The following FUT8 variants were observed in gnomAD, a reference collection of about 807,000 sequenced individuals.
FUT8 encodes alpha-(1,6)-fucosyltransferase.
In FUT8, 29 loss-of-function variants were observed where a neutral mutation model predicts 71.3. The ratio of observed to expected loss-of-function variants is 0.41; its 90% CI spans 0.30 to 0.55. The LOEUF is 0.55. Among genes scored for constraint, FUT8 ranks in the 20% least tolerant of loss-of-function variants. The pLI, the probability that FUT8 is intolerant of heterozygous loss-of-function variation, is 0.34. For missense variants in FUT8, 544 were observed against 702.1 expected (o/e 0.77, Z 2.55); for synonymous variants, 254 against 239.3 (o/e 1.06, Z -0.57).
intron 3 of FUT8, among the ~76,000 whole-genome samples, chr14:65,565,960 TATA>T (rs1484672922): frequency 2.7e-5 from 4 of 149,478 alleles, no homozygotes; most frequent in East Asian, 3.8e-4. Context: ...TATGGTATAA[TATA>T]ATAAAAAACA....
intron 7 of FUT8, among the ~76,000 whole-genome samples, chr14:65,719,641 G>A (rs1024528468): frequency 1.3e-5 from 2 of 152,132 alleles, no homozygotes; most frequent in Non-Finnish European, 2.9e-5. Flanking sequence ...TCCAGTTTTG[G>A]TCATTGCAGC....
chr14:65,733,860 C>T lies in FUT8; in HGVS notation c.1410+479C>T, dbSNP rs377753776. Among the ~76,000 whole-genome samples, 19 of 152,230 alleles carry T rather than the reference C, an allele frequency of 1.2e-4. 3 individuals are homozygous for T. Among genetic ancestry groups the T allele is most frequent in the African/African-American group, 4.3e-4 (18 of 41,534 alleles). ...TTCCCTTTCAAGTTCTATTACATTT[C>T]TACCAAGTGAGAAACTGTATGTTAA... On this transcript the variant is annotated intron_variant, in intron 10 of 10. Transcript: ENST00000673929.
chr14:65,360,415 A>T, the FUT8 span, among the ~76,000 whole-genome samples: 1 of 152,246 alleles, frequency 6.6e-6, no homozygotes, highest in Admixed American at 6.5e-5. Context: ...CAAGCTTTTA[A>T]AGCTAAATTC....
chr14:65,524,460 AAGG>A (rs1883306425), intron 2 of FUT8, among the ~76,000 whole-genome samples: 1 of 152,180 alleles, frequency 6.6e-6, no homozygotes, highest in African/African-American at 2.4e-5. Flanking sequence ...TTATCAGGTT[AAGG>A]AGATTTTGGG....
At chr14:65,690,065 C>T (rs1893498373) in intron 7 of FUT8, among the ~76,000 whole-genome samples, 1 of 151,922 alleles carries the variant, frequency 6.6e-6, no homozygotes, top group Non-Finnish European at 1.5e-5. Flanking sequence ...GATTCTATAC[C>T]CTGTTTTTGT....
chr14:65,543,839 T>C (rs971382553), intron 2 of FUT8, among the ~76,000 whole-genome samples: 1 of 152,148 alleles, frequency 6.6e-6, no homozygotes, highest in Non-Finnish European at 1.5e-5. Flanking sequence ...TTGCACATAA[T>C]TGCATATGGC....
rs540266955 is a variant in FUT8 at position 65,490,511 on chromosome 14, G to A, written c.-228+34793G>A. Among the ~76,000 whole-genome samples, 65 of 152,104 alleles carry A rather than the reference G, an allele frequency of 4.3e-4. 2 individuals are homozygous for A. The South Asian group carries it at 0.013, about 30-fold the overall frequency. On this transcript the variant is annotated intron_variant, in intron 2 of 10. Transcript: ENST00000673929. ...TGAGCTAATGTTGACATTATTACAA[G>A]TTGACTGGAAACATTTACAAAAGCC... is the stretch of plus-strand genomic sequence containing the variant.
intron 2 of FUT8, among the ~76,000 whole-genome samples, chr14:65,530,590 A>G (rs1883878470): frequency 6.6e-6 from 1 of 152,170 alleles, no homozygotes; most frequent in Non-Finnish European, 1.5e-5. Flanking sequence ...TTTAGTAACA[A>G]CATTTGTGTT....
At chr14:65,721,713 G>A (rs935196290) in intron 7 of FUT8, 62 bp from the exon 8 acceptor site, 5 of 1,534,872 alleles carry the variant, frequency 3.3e-6, no homozygotes, top group Non-Finnish European at 3.6e-6. Flanking sequence ...ATAAGTTCTT[G>A]TTGAATGGTG....
At chr14:65,539,892 G>A (rs529650941) in intron 2 of FUT8, among the ~76,000 whole-genome samples, 1 of 152,306 alleles carries the variant, frequency 6.6e-6, no homozygotes, top group South Asian at 2.1e-4. Context: ...AATTGGTGGA[G>A]ACACACAGAA....
chr14:65,706,324 A>G (rs2140499495), intron 7 of FUT8, among the ~76,000 whole-genome samples: 1 of 152,330 alleles, frequency 6.6e-6, no homozygotes, highest in East Asian at 1.9e-4. Flanking sequence ...CAAAGACTGC[A>G]TGCATAGGCA....
At chr14:65,676,353 G>A (rs1892716935) in intron 7 of FUT8, among the ~76,000 whole-genome samples, 1 of 152,330 alleles carries the variant, frequency 6.6e-6, no homozygotes, top group East Asian at 1.9e-4. Context: ...TAGAGCTAGA[G>A]ATAGAATCCA....
intron 7 of FUT8, among the ~76,000 whole-genome samples, chr14:65,692,361 A>ACC (rs1323318237): frequency 2.1e-4 from 21 of 100,388 alleles, no homozygotes; most frequent in African/African-American, 8.2e-4. Flanking sequence ...CGGGGGGCTG[A>ACC]CCCCCCCACC....
chr14:65,451,651 A>G (rs2065828455), intron 1 of FUT8, among the ~76,000 whole-genome samples: 1 of 152,208 alleles, frequency 6.6e-6, no homozygotes, highest in African/African-American at 2.4e-5. Context: ...AAGATGGTAA[A>G]TGCAGGGGAT....
chr14:65,735,383 A>T (rs569064862), intron 10 of FUT8, among the ~76,000 whole-genome samples: 2 of 152,140 alleles, frequency 1.3e-5, no homozygotes, highest in Admixed American at 1.3e-4. Context: ...CATAATGTCA[A>T]CTTCAGTGTA....
the FUT8 span, among the ~76,000 whole-genome samples, chr14:65,376,293 G>C: frequency 6.6e-6 from 1 of 152,194 alleles, no homozygotes; most frequent in Non-Finnish European, 1.5e-5. Context: ...TTGGTGGAGA[G>C]AGATGGAGCA....
At chr14:65,662,322 G>A (rs1013983744) in intron 6 of FUT8, among the ~76,000 whole-genome samples, 13 of 152,126 alleles carry the variant, frequency 8.5e-5, no homozygotes, top group African/African-American at 2.9e-4. Context: ...GGAGGTTGAG[G>A]TTGTGGTGAA....
chr14:65,436,756 ATTTT>A (rs901392004), intron 1 of FUT8, among the ~76,000 whole-genome samples: 2 of 151,784 alleles, frequency 1.3e-5, no homozygotes, highest in Admixed American at 1.3e-4. Context: ...TTCACATAAA[ATTTT>A]TTTTTCTTTT....
At chr14:65,740,308 A>G (rs994069145) in intron 10 of FUT8, among the ~76,000 whole-genome samples, 7 of 119,430 alleles carry the variant, frequency 5.9e-5, no homozygotes, top group Admixed American at 5.5e-4. Context: ...TTAGTTGCCT[A>G]TCTGCAAAAT....
Sources: gnomAD v4.1 joint callset for allele counts (sites outside exome capture counted in the v4.1 genomes callset) on GRCh38, gnomAD v4.1.1 for gene constraint, MANE v1.5 for transcripts, NCBI Gene and HGNC (gene_info 2026-07-23, HGNC 2026-07-21) for gene names.